The following JHY variants were observed in gnomAD, a reference collection of about 807,000 sequenced individuals.
JHY encodes the protein jhy protein homolog.
Under a neutral mutation model 78.0 loss-of-function variants are expected in JHY, and 69 were observed. The ratio of observed to expected loss-of-function variants is 0.88; its 90% CI spans 0.73 to 1.08. The LOEUF is 1.08. JHY is among the 50% of genes least tolerant of loss of function. The pLI, the probability that JHY is intolerant of heterozygous loss-of-function variation, is 0.00. For missense variants in JHY, 944 were observed against 927.8 expected (o/e 1.02, Z -0.23); for synonymous variants, 368 against 342.6 (o/e 1.07, Z -0.82).
rs749035738 is a variant in JHY, at chr11:122,904,322, C to T, written c.742C>T (p.Arg248Ter). The change falls in exon 3 of 9, where the codon CGA becomes TGA. Residue 248 changes from arginine to a stop codon, truncating the protein, a stop_gained. Coordinates refer to ENST00000227349, the MANE Select transcript of JHY (RefSeq NM_024806.4). LOFTEE classifies it high-confidence loss of function. Reference sequence around the variant, plus strand: ...CCTGCCGGGATCACGTGGCCCTCGGCGAAGGAAATCCAAACAACATTTTGT... The same window carrying T: ...CCTGCCGGGATCACGTGGCCCTCGGTGAAGGAAATCCAAACAACATTTTGT... The part of the protein sequence containing the change: ...VFLPGSRGPR[R>*]RKSKQHFVEK... The T allele has an allele frequency of 6.8e-6, 11 of 1,613,838 alleles. No individual in the cohort carries two copies. In the African/African-American group the frequency reaches 1.3e-4, roughly 20 times the overall value.
chr11:122,925,142 T>A, intron 4 of JHY, 132 bp downstream of exon 4: 1 of 707,112 alleles, frequency 1.4e-6, no homozygotes, highest in Non-Finnish European at 2.3e-6. Context: ...TTCCTATGGG[T>A]AAGACTGGCT....
At chr11:122,905,625 T>G in intron 3 of JHY, 1 of 983,740 alleles carries the variant, frequency 1.0e-6, no homozygotes. Flanking sequence ...CCCAGCACTT[T>G]GGGAGGTCGA....
chr11:122,937,626 C>G (rs1302484885), intron 5 of JHY, among the ~76,000 whole-genome samples: 1 of 152,126 alleles, frequency 6.6e-6, no homozygotes, highest in East Asian at 1.9e-4. Flanking sequence ...CAGTTCTCAG[C>G]GTGCCAGTGT....
intron 4 of JHY, among the ~76,000 whole-genome samples, chr11:122,928,370 A>G (rs1701441649): frequency 6.6e-6 from 1 of 152,180 alleles, no homozygotes; most frequent in Non-Finnish European, 1.5e-5. Context: ...AATGGACCTC[A>G]TTTGAAAATT....
intron 5 of JHY, among the ~76,000 whole-genome samples, chr11:122,939,110 C>A (rs892925332): frequency 8.6e-5 from 13 of 151,868 alleles, no homozygotes; most frequent in African/African-American, 3.1e-4. Flanking sequence ...GCCTCAGCCT[C>A]CTGAGCAGCT....
At chr11:122,903,082 A>T (rs988304429) in intron 2 of JHY, among the ~76,000 whole-genome samples, 1 of 152,234 alleles carries the variant, frequency 6.6e-6, no homozygotes, top group Non-Finnish European at 1.5e-5. Flanking sequence ...ATGATATTCC[A>T]AGGGCTACAG....
At chr11:122,918,499 G>A (rs372442468) in intron 3 of JHY, among the ~76,000 whole-genome samples, 32 of 151,434 alleles carry the variant, frequency 2.1e-4, no homozygotes, top group African/African-American at 7.6e-4. Context: ...GAGAGGGCAC[G>A]CCATGCGAAT....
Position 122,934,457 on chromosome 11 carries a change from A to T in JHY, c.1016A>T (p.Lys339Ile). The change falls in exon 5 of 9, where the codon AAA (lysine) becomes ATA (isoleucine). Residue 339 changes from lysine to isoleucine, a missense_variant. Physicochemically the swap from Lys to Ile is moderately radical, Grantham distance 102. Transcript: ENST00000227349. ...QEHWSQYEST[K>I]SSNVPRGQPS... ...CACTGGTCTCAATATGAAAGTACAA[A>T]ATCAAGCAATGTACCAAGAGGGCAA... The T allele has an allele frequency of 3.7e-6, 6 of 1,613,816 alleles. No homozygotes were observed. The highest frequency in any genetic ancestry group is 5.1e-6 in the Non-Finnish European group (6 of 1,179,798).
Position 122,959,546 on chromosome 11 carries a change from T to C in JHY, c.*101T>C. ...TGCGTTGAGAGTAATGGCCTATTAT[T>C]ATCATCTATCTGCCGTCCATGTTTG... On this transcript the variant is annotated 3_prime_UTR_variant, in exon 9 of 9. Transcript: ENST00000227349. 9.3e-7 allele frequency: 1 copy of C among 1,080,220 alleles called. No individual in the cohort carries two copies. The highest frequency in any genetic ancestry group is 1.3e-6 in the Non-Finnish European group (1 of 749,134). The allele number at this position is 1,080,220 out of a possible 1,614,324, so 66.9% of individuals were successfully genotyped here.
At chr11:122,927,985 C>G (rs1863547968) in intron 4 of JHY, among the ~76,000 whole-genome samples, 1 of 152,114 alleles carries the variant, frequency 6.6e-6, no homozygotes. Context: ...CCCGCCTGGG[C>G]CTCCCAAAGT....
chr11:122,914,538 T>C (rs530297068), intron 3 of JHY, among the ~76,000 whole-genome samples: 1 of 152,116 alleles, frequency 6.6e-6, no homozygotes, highest in African/African-American at 2.4e-5. Context: ...TCCGCTTCCC[T>C]GGTTCAAGCG....
chr11:122,945,738 A>T (rs1863949016), intron 5 of JHY, among the ~76,000 whole-genome samples: 1 of 152,192 alleles, frequency 6.6e-6, no homozygotes, highest in Admixed American at 6.5e-5. Flanking sequence ...TTCCGTGATT[A>T]TGTGGGTAAG....
Position 122,896,597 on chromosome 11 carries a change from C to T in JHY, c.345-7328C>T, listed in dbSNP as rs184184092. Among the ~76,000 whole-genome samples the T allele has an allele frequency of 1.2e-3, 180 of 152,198 alleles. 1 individual carries two copies. Among genetic ancestry groups the T allele is most frequent in the Non-Finnish European group, 1.9e-3 (132 of 68,020 alleles). On this transcript the variant is annotated intron_variant, in intron 2 of 8. Transcript: ENST00000227349. ...AAGATGGGTGTTAATTCTTTCAGGC[C>T]ATTAGGGAACCACTTAGTGTATCAC...
In JHY at chr11:122,934,454, CA is replaced by C; in HGVS notation, c.1017del (p.Lys339AsnfsTer14). 2 of 1,613,416 alleles carry C rather than the reference CA, an allele frequency of 1.2e-6. No homozygotes were observed. The highest frequency in any genetic ancestry group is 1.7e-5 in the Admixed American group (1 of 59,950). ...GAACACTGGTCTCAATATGAAAGTA[CA>C]AAATCAAGCAATGTACCAAGAGGGC... ...YQEHWSQYESTKSSNVPRGQP... is the reference protein window; with the variant it reads ...YQEHWSQYESXKSSNVPRGQP... On this transcript the variant is annotated frameshift_variant, in exon 5 of 9. Transcript: ENST00000227349. LOFTEE classifies it high-confidence loss of function.
At chr11:122,957,559 T>A in intron 8 of JHY, 68 bp downstream of exon 8, 2 of 512,344 alleles carry the variant, frequency 3.9e-6, no homozygotes. Context: ...ATTATCGCTT[T>A]TTTTTTTTTT....
intron 2 of JHY, among the ~76,000 whole-genome samples, chr11:122,902,444 GA>G (rs1862881568): frequency 6.6e-6 from 1 of 151,876 alleles, no homozygotes; most frequent in Non-Finnish European, 1.5e-5. Flanking sequence ...CAGCCTGAGT[GA>G]TAGAGCAAGA....
intron 3 of JHY, among the ~76,000 whole-genome samples, chr11:122,907,255 T>C (rs1391756781): frequency 6.6e-6 from 1 of 152,166 alleles, no homozygotes; most frequent in Non-Finnish European, 1.5e-5. Context: ...GATGTGTTTT[T>C]TTTTTTGAAC....
At chr11:122,933,993 A>G (rs1863689097) in intron 4 of JHY, among the ~76,000 whole-genome samples, 1 of 152,212 alleles carries the variant, frequency 6.6e-6, no homozygotes, top group Non-Finnish European at 1.5e-5. Flanking sequence ...TAAACTTTGA[A>G]GCCAAAGACT....
chr11:122,904,122 A>G lies in JHY; in HGVS notation c.542A>G (p.Lys181Arg), dbSNP rs1565312019. 2 of 1,614,184 alleles carry G rather than the reference A, an allele frequency of 1.2e-6. No homozygotes were observed. The highest frequency in any genetic ancestry group is 2.2e-5 in the South Asian group (2 of 91,080). The change falls in exon 3 of 9, where the codon AAA becomes AGA. Residue 181 changes from lysine (K) to arginine (R), a missense_variant. Physicochemically the swap from Lys to Arg is conservative, Grantham distance 26 (BLOSUM62 2). Coordinates refer to ENST00000227349, the MANE Select transcript of JHY (RefSeq NM_024806.4). ...CTCTCCGGGGGAAAAGGCGAGCAGAAAGAGAGTCCACAGAGTGCAGCTTCT... is the reference window on the plus strand; with the variant it reads ...CTCTCCGGGGGAAAAGGCGAGCAGAGAGAGAGTCCACAGAGTGCAGCTTCT... ...MELSGGKGEQKESPQSAASLL... is the reference protein window; with the variant it reads ...MELSGGKGEQRESPQSAASLL...
Sources: allele counts gnomAD v4.1 joint callset (sites outside exome capture counted in the v4.1 genomes callset), GRCh38; gene constraint gnomAD v4.1.1; transcripts MANE v1.5; gene names NCBI Gene and HGNC (gene_info 2026-07-23, HGNC 2026-07-21).